SETD1B: variants seen among roughly 807,000 people sequenced by gnomAD.
SETD1B encodes histone-lysine N-methyltransferase SETD1B.
A neutral mutation model predicts 148.0 loss-of-function variants in SETD1B; 7 were observed. That is an observed-to-expected ratio of 0.05 (90% CI 0.03 to 0.09). The LOEUF (loss-of-function observed/expected upper bound fraction) is 0.09. Ranked by LOEUF, SETD1B falls within the 10% of genes least tolerant of loss-of-function variation. SETD1B has a pLI of 1.00. For missense variants in SETD1B, 2,155 were observed against 2,729.9 expected (o/e 0.79, Z 4.69); for synonymous variants, 1,361 against 1,186.5 (o/e 1.15, Z -3.02).
At chr12:121,824,314 G>A (rs904374249) in intron 12 of SETD1B, among the ~76,000 whole-genome samples, 1 of 152,196 alleles carries the variant, frequency 6.6e-6, no homozygotes, top group African/African-American at 2.4e-5. Context: ...TATCCCTGCT[G>A]TATTAGACTG....
At chr12:121,825,571 A>G (rs1357244580) in intron 13 of SETD1B, among the ~76,000 whole-genome samples, 1 of 151,658 alleles carries the variant, frequency 6.6e-6, no homozygotes, top group Admixed American at 6.6e-5. Flanking sequence ...GCCCTGGAGC[A>G]CCTCCAAAGG....
the SETD1B span, among the ~76,000 whole-genome samples, chr12:121,791,721 G>A: frequency 6.6e-6 from 1 of 152,222 alleles, no homozygotes; most frequent in Non-Finnish European, 1.5e-5. Context: ...ATGATGTGGA[G>A]GCTGCCCTGA....
Position 121,830,533 on chromosome 12 carries a change from C to T in SETD1B, c.*294C>T. 3.2e-6 allele frequency: 1 copy of T among 310,942 alleles called. No homozygotes were observed. Among genetic ancestry groups the T allele is most frequent in the Non-Finnish European group, 6.0e-6 (1 of 167,118 alleles). 19.3% of individuals were successfully genotyped at this position (310,942 alleles called of 1,614,324 possible). On this transcript the variant is annotated 3_prime_UTR_variant, in exon 17 of 17. Coordinates refer to ENST00000604567, the MANE Select transcript of SETD1B (RefSeq NM_001353345.2). The surrounding 1 kb of genome is among the most constrained non-coding windows in gnomAD (Gnocchi z 5.7). Reference sequence around the variant, plus strand: ...AGCTTCTCTCTCTCCGTCTCTCCTCCCCTCTCTCTCTTCTCTGTCTCTTCT... The same window carrying T: ...AGCTTCTCTCTCTCCGTCTCTCCTCTCCTCTCTCTCTTCTCTGTCTCTTCT...
At chr12:121,825,027 T>C (rs1876772334) in intron 12 of SETD1B, among the ~76,000 whole-genome samples, 173 bp from the exon 13 acceptor site, 1 of 150,306 alleles carries the variant, frequency 6.7e-6, no homozygotes, top group Non-Finnish European at 1.5e-5. Flanking sequence ...CAACTAGGTA[T>C]TGACCGTCAG....
Position 121,817,020 on chromosome 12 carries a change from G to A in SETD1B, c.2716-13G>A. On this transcript the variant is annotated splice_polypyrimidine_tract_variant and intron_variant, in intron 7 of 16. Transcript: ENST00000604567. This position sits in a 1 kb window ranked among gnomAD's most constrained non-coding sequence, Gnocchi z 8.1. Reference sequence around the variant, plus strand: ...CCAGAAGCGGTGACGGTCCCCTCCTGTCTCCACCCCAGGCCTCGCTGACCC... The same window carrying A: ...CCAGAAGCGGTGACGGTCCCCTCCTATCTCCACCCCAGGCCTCGCTGACCC... 2 of 1,498,238 alleles carry A rather than the reference G, an allele frequency of 1.3e-6. No individual in the cohort carries two copies. Among genetic ancestry groups the A allele is most frequent in the South Asian group, 1.3e-5 (1 of 77,684 alleles). 92.8% of individuals were successfully genotyped at this position (1,498,238 alleles called of 1,614,324 possible).
In SETD1B at chr12:121,817,314, G is replaced by A; in HGVS notation, c.2977+20G>A. On this transcript the variant is annotated intron_variant, in intron 8 of 16. Transcript: ENST00000604567. This position sits in a 1 kb window ranked among gnomAD's most constrained non-coding sequence, Gnocchi z 8.1. ...ATGAAGGTTCGTGCTCTGGGTGCTG[G>A]GGTCCCCTTCTTCCGCATCCCCCCA... 1 of 1,545,598 alleles carries A rather than the reference G, an allele frequency of 6.5e-7. No individual in the cohort carries two copies. The highest frequency in any genetic ancestry group is 8.7e-7 in the Non-Finnish European group (1 of 1,143,466).
chr12:121,804,935 A>AG lies in SETD1B; in HGVS notation c.174+25dup. The AG allele has an allele frequency of 6.8e-7, 1 of 1,479,354 alleles. No individual in the cohort carries two copies. Among genetic ancestry groups the AG allele is most frequent in the Non-Finnish European group, 9.0e-7 (1 of 1,111,648 alleles). 91.6% of individuals were successfully genotyped at this position (1,479,354 alleles called of 1,614,324 possible). A position where few individuals can be genotyped will look rare whatever the true frequency, so the allele number is the denominator to read the frequency against. ...CGGTGAGTAGCCGGCGCGCCCCCCC[A>AG]GCCGTGCCCCGCGTCGTGTCCGGGG... is the stretch of plus-strand genomic sequence containing the variant. On this transcript the variant is annotated intron_variant, in intron 2 of 16. Coordinates refer to ENST00000604567, the MANE Select transcript of SETD1B (RefSeq NM_001353345.2). The surrounding 1 kb of genome is among the most constrained non-coding windows in gnomAD (Gnocchi z 4.6).
chr12:121,809,575 G>A (rs1875914015), intron 5 of SETD1B, 28 bp from the exon 6 acceptor site: 2 of 1,512,672 alleles, frequency 1.3e-6, no homozygotes. Context: ...TTTTCCCCCA[G>A]TGGTCTGACA....
chr12:121,828,436 C>T (rs1358685874), intron 16 of SETD1B, among the ~76,000 whole-genome samples: 1 of 152,274 alleles, frequency 6.6e-6, no homozygotes, highest in Non-Finnish European at 1.5e-5. Flanking sequence ...CTAGAACTTT[C>T]TGCAAGGGGG....
At chr12:121,800,529 C>T (rs887655010), upstream of SETD1B, 1 of 151,884 alleles carries the variant, frequency 6.6e-6, no homozygotes, top group Non-Finnish European at 1.5e-5. Flanking sequence ...GCCCCGCCGA[C>T]CCCGTGGCCC....
At chr12:121,821,282 A>G (rs897964000) in intron 11 of SETD1B, among the ~76,000 whole-genome samples, 2 of 152,122 alleles carry the variant, frequency 1.3e-5, no homozygotes, top group African/African-American at 2.4e-5. Flanking sequence ...CAACAGATCA[A>G]TTAGAAAATG....
At chr12:121,816,886 T>G in intron 7 of SETD1B, 147 bp from the exon 8 acceptor site, 1 of 690,218 alleles carries the variant, frequency 1.4e-6, no homozygotes, top group Non-Finnish European at 2.4e-6. Context: ...GGTAACGGCA[T>G]AGTGTGGCCA....
upstream of SETD1B, chr12:121,799,765 T>TTTGGG (rs1566540852): frequency 8.3e-6 from 1 of 119,850 alleles, no homozygotes; most frequent in Admixed American, 8.6e-5. Context: ...CAGCCCGGCG[T>TTTGGG]GTTTGGGGTT....
At chr12:121,818,942 T>G (rs1876433125) in intron 10 of SETD1B, among the ~76,000 whole-genome samples, 1 of 149,858 alleles carries the variant, frequency 6.7e-6, no homozygotes, top group Admixed American at 6.7e-5. Flanking sequence ...TTTACCTCAG[T>G]TTTTAAAAGC....
intron 10 of SETD1B, among the ~76,000 whole-genome samples, chr12:121,818,196 C>T (rs1876391956): frequency 6.6e-6 from 1 of 152,180 alleles, no homozygotes; most frequent in Admixed American, 6.5e-5. Flanking sequence ...GATAAAAATA[C>T]TTAGGGACCA....
Position 121,830,000 on chromosome 12 carries a change from G to A in SETD1B, c.5728-66G>A. The stretch of plus-strand genomic sequence containing the variant: ...TAAGCACAGGCCTGGTTGGGTTTGG[G>A]GGGTCTGCAGTGGTGGGGGACCCTG... On this transcript the variant is annotated intron_variant, in intron 16 of 16. Coordinates refer to ENST00000604567, the MANE Select transcript of SETD1B (RefSeq NM_001353345.2). The A allele has an allele frequency of 2.0e-6, 3 of 1,466,188 alleles. No homozygotes were observed. The Admixed American group carries it at 6.2e-5, about 30-fold the overall frequency. The allele number at this position is 1,466,188 out of a possible 1,614,324, so 90.8% of individuals were successfully genotyped here. A position where few individuals can be genotyped will look rare whatever the true frequency, so the allele number is the denominator to read the frequency against.
chr12:121,831,046 G>C lies in SETD1B; in HGVS notation c.*807G>C, dbSNP rs1877069390. On this transcript the variant is annotated 3_prime_UTR_variant, in exon 17 of 17. Coordinates refer to ENST00000604567, the MANE Select transcript of SETD1B (RefSeq NM_001353345.2). The stretch of plus-strand genomic sequence containing the variant: ...GGTTCAATGTTTACTTTCTCATTCG[G>C]ATGCCAGCAACGCGGGAGCCTCTCG... 1 of 152,278 alleles carries C rather than the reference G, an allele frequency of 6.6e-6. No homozygotes were observed. Among genetic ancestry groups the C allele is most frequent in the African/African-American group, 2.4e-5 (1 of 41,432 alleles). 9.4% of individuals were successfully genotyped at this position (152,278 alleles called of 1,614,324 possible).
In SETD1B at chr12:121,830,287, C is replaced by G. The variant is rs551371373; in HGVS notation, c.*48C>G. 1.3e-6 allele frequency: 2 copies of G among 1,516,002 alleles called. No individual in the cohort carries two copies. Among genetic ancestry groups the G allele is most frequent in the African/African-American group, 1.4e-5 (1 of 72,344 alleles). The allele number at this position is 1,516,002 out of a possible 1,614,324, so 93.9% of individuals were successfully genotyped here. A position where few individuals can be genotyped will look rare whatever the true frequency, so the allele number is the denominator to read the frequency against. On this transcript the variant is annotated 3_prime_UTR_variant, in exon 17 of 17. Coordinates refer to ENST00000604567, the MANE Select transcript of SETD1B (RefSeq NM_001353345.2). The surrounding 1 kb of genome is among the most constrained non-coding windows in gnomAD (Gnocchi z 5.7). ...ATGTCAGCCGTAGCCCTGGGACTCC[C>G]GAGCGTGGAGCCCCTGGCCCCGGGG... is the stretch of plus-strand genomic sequence containing the variant.
chr12:121,797,470 G>A, the SETD1B span: 1 of 456,512 alleles, frequency 2.2e-6, no homozygotes, highest in Non-Finnish European at 4.4e-6. Context: ...AGAGGTGATG[G>A]TGGGGGGACA....
Sources: allele counts gnomAD v4.1 joint callset (sites outside exome capture counted in the v4.1 genomes callset), GRCh38; gene constraint gnomAD v4.1.1; non-coding constraint Gnocchi (gnomAD v3.1); transcripts MANE v1.5; gene names NCBI Gene and HGNC (gene_info 2026-07-23, HGNC 2026-07-21).